Variants in PLXNC1 observed in about 807,000 individuals in gnomAD.
PLXNC1 encodes plexin-C1.
PLXNC1 carries 75 observed loss-of-function variants against 178.2 expected under a neutral mutation model. That is an observed-to-expected ratio of 0.42 (90% CI 0.35 to 0.51). The LOEUF is 0.51. Among genes scored for constraint, PLXNC1 ranks in the 20% least tolerant of loss-of-function variants. The probability of loss-of-function intolerance (pLI) is 0.02; values close to 1 mark genes in which losing one functional copy is unlikely to be tolerated. For synonymous variants in PLXNC1, 790 were observed against 779.9 expected, an observed-to-expected ratio of 1.01 and a Z score of -0.22; for missense variants, 1,503 against 1,984.4, an observed-to-expected ratio of 0.76 and a Z score of 4.61.
At chr12:94,287,855 C>T (rs1320540761) in intron 23 of PLXNC1, among the ~76,000 whole-genome samples, 1 of 152,218 alleles carries the variant, frequency 6.6e-6, no homozygotes, top group Non-Finnish European at 1.5e-5. Flanking sequence ...GTACTGGGTA[C>T]TGTTCTAGGG....
At chr12:94,189,290 A>T (rs1392675127) in intron 4 of PLXNC1, among the ~76,000 whole-genome samples, 1 of 152,206 alleles carries the variant, frequency 6.6e-6, no homozygotes, top group Non-Finnish European at 1.5e-5. Context: ...TCATATAATG[A>T]TGGCACTTGG....
At chr12:94,288,619 G>C (rs1303084124) in intron 23 of PLXNC1, among the ~76,000 whole-genome samples, 3 of 152,230 alleles carry the variant, frequency 2.0e-5, no homozygotes, top group Non-Finnish European at 4.4e-5. Context: ...AGGATGTTCT[G>C]ACGGCCCCTT....
chr12:94,186,293 G>A (rs1962505609), intron 3 of PLXNC1, 80 bp from the exon 4 acceptor site: 1 of 968,756 alleles, frequency 1.0e-6, no homozygotes, highest in East Asian at 2.4e-5. Context: ...GCTCTTTTTG[G>A]CCCTTCATTA....
At chr12:94,241,543 C>T (rs1164564547) in intron 11 of PLXNC1, among the ~76,000 whole-genome samples, 2 of 152,126 alleles carry the variant, frequency 1.3e-5, no homozygotes, top group Non-Finnish European at 2.9e-5. Flanking sequence ...CCTCTGATAC[C>T]CATAATTCTA....
chr12:94,255,832 T>C (rs1311908710), intron 17 of PLXNC1: 1 of 158,010 alleles, frequency 6.3e-6, no homozygotes, highest in Non-Finnish European at 1.4e-5. Context: ...TAGTTTTTCT[T>C]TAGCTGGTCA....
chr12:94,246,657 C>A (rs1964537749), intron 12 of PLXNC1, among the ~76,000 whole-genome samples: 1 of 152,158 alleles, frequency 6.6e-6, no homozygotes, highest in Non-Finnish European at 1.5e-5. Context: ...ACCTGCAATC[C>A]TTCTAGAAGG....
chr12:94,222,520 C>G (rs1963824360), intron 6 of PLXNC1, among the ~76,000 whole-genome samples: 1 of 152,186 alleles, frequency 6.6e-6, no homozygotes, highest in Admixed American at 6.5e-5. Context: ...CTTTGGTCCT[C>G]CATGCACACC....
intron 9 of PLXNC1, among the ~76,000 whole-genome samples, chr12:94,235,205 G>T (rs1964209028): frequency 6.6e-6 from 1 of 152,062 alleles, no homozygotes; most frequent in Non-Finnish European, 1.5e-5. Context: ...AAACAATAGG[G>T]GTTTAAAATG....
chr12:94,219,845 T>TTATTTATTTATC (rs1963744767), intron 5 of PLXNC1, among the ~76,000 whole-genome samples, 171 bp from the exon 6 acceptor site: 1 of 149,776 alleles, frequency 6.7e-6, no homozygotes, highest in Non-Finnish European at 1.5e-5. Flanking sequence ...ATTTATTTAT[T>TTATTTATTTATC]TATGGAGGCA....
chr12:94,170,820 A>G (rs886609760), intron 2 of PLXNC1, among the ~76,000 whole-genome samples: 1 of 152,180 alleles, frequency 6.6e-6, no homozygotes, highest in African/African-American at 2.4e-5. Context: ...TACATTGATC[A>G]TCTTTCCTGT....
chr12:94,158,828 A>G (rs776890375), intron 1 of PLXNC1, among the ~76,000 whole-genome samples: 1 of 152,132 alleles, frequency 6.6e-6, no homozygotes, highest in Non-Finnish European at 1.5e-5. Flanking sequence ...AAGCGCTGGG[A>G]ACATGGGAGG....
At chr12:94,228,448 T>C (rs1041123202) in intron 9 of PLXNC1, among the ~76,000 whole-genome samples, 2 of 152,238 alleles carry the variant, frequency 1.3e-5, no homozygotes, top group African/African-American at 4.8e-5. Context: ...ACCATTTTTA[T>C]TGCTTTTAAG....
intron 4 of PLXNC1, among the ~76,000 whole-genome samples, chr12:94,196,125 C>T (rs762345637): frequency 2.5e-4 from 38 of 152,166 alleles, no homozygotes; most frequent in Non-Finnish European, 4.3e-4. Flanking sequence ...TGGCCATATT[C>T]TTCAGTAGCC....
At chr12:94,261,192 A>G (rs1442249320) in intron 20 of PLXNC1, among the ~76,000 whole-genome samples, 1 of 152,200 alleles carries the variant, frequency 6.6e-6, no homozygotes, top group Non-Finnish European at 1.5e-5. Context: ...GGCCCTCTGA[A>G]GCATTGTAGA....
chr12:94,287,992 T>G (rs1404801959), intron 23 of PLXNC1, among the ~76,000 whole-genome samples: 1 of 152,170 alleles, frequency 6.6e-6, no homozygotes, highest in East Asian at 1.9e-4. Flanking sequence ...CACTGATGCC[T>G]CAAGGCTTGA....
intron 1 of PLXNC1, among the ~76,000 whole-genome samples, chr12:94,150,634 G>C (rs998492088): frequency 6.6e-5 from 10 of 152,258 alleles, no homozygotes; most frequent in Middle Eastern, 3.2e-3. Context: ...GCTTGCGCTG[G>C]AACCGAACCC....
chr12:94,275,715 C>T lies in PLXNC1; in HGVS notation c.3598-3757C>T, dbSNP rs796175995. Reference sequence around the variant, plus strand: ...AAAAAAATACAAAAAATTAGCCGGGCGTAGTGGCGGGCGCCTGTAGTCCCA... The same window carrying T: ...AAAAAAATACAAAAAATTAGCCGGGTGTAGTGGCGGGCGCCTGTAGTCCCA... On this transcript the variant is annotated intron_variant, in intron 21 of 30. Coordinates refer to ENST00000258526, the MANE Select transcript of PLXNC1 (RefSeq NM_005761.3). 6.1e-5 allele frequency among the ~76,000 whole-genome samples: 8 copies of T among 130,132 alleles called. 2 individuals carry two copies. Among genetic ancestry groups the T allele is most frequent in the East Asian group, 4.4e-4 (2 of 4,498 alleles). The allele number at this position is 130,132 out of a possible 152,430, so 85.4% of individuals were successfully genotyped here.
At chr12:94,191,656 T>C (rs1321862050) in intron 4 of PLXNC1, among the ~76,000 whole-genome samples, 1 of 151,754 alleles carries the variant, frequency 6.6e-6, no homozygotes, top group Non-Finnish European at 1.5e-5. Flanking sequence ...TGGTGGTGCA[T>C]GCCTGTAATC....
At position 94,248,281 on chromosome 12, in the gene PLXNC1, C is replaced by T. The variant is rs374509747; in HGVS notation, c.2647C>T (p.His883Tyr). ...AAAAGACATTGAAATTACTCTCTTC[C>T]ATGGGGAAAATGGGCAATTAAATTG... ...SKKDIEITLF[H>Y]GENGQLNCSF... The change falls in exon 14 of 31, where the codon CAT (histidine) becomes TAT (tyrosine). Residue 883 changes from histidine (H) to tyrosine (Y), a missense_variant. Transcript: ENST00000258526. The T allele has an allele frequency of 1.2e-6, 2 of 1,613,198 alleles. No individual in the cohort carries two copies. The highest frequency in any genetic ancestry group is 1.3e-5 in the African/African-American group (1 of 74,840).
Sources: allele counts gnomAD v4.1 joint callset (sites outside exome capture counted in the v4.1 genomes callset), GRCh38; gene constraint gnomAD v4.1.1; transcripts MANE v1.5; gene names NCBI Gene and HGNC (gene_info 2026-07-23, HGNC 2026-07-21).